SLC34A1: variants seen among roughly 807,000 people sequenced by gnomAD.
SLC34A1 encodes solute carrier family 34 member 1.
In SLC34A1, 57 loss-of-function variants were observed where a neutral mutation model predicts 51.4. That is an observed-to-expected ratio of 1.11 (90% CI 0.90 to 1.38). SLC34A1 has a LOEUF of 1.38. Among genes scored for constraint, SLC34A1 ranks in the 40% most tolerant of loss-of-function variants. SLC34A1 has a pLI of 0.00. For missense variants in SLC34A1, 796 were observed against 835.6 expected, an observed-to-expected ratio of 0.95 and a Z score of 0.58; for synonymous variants, 368 against 358.0, an observed-to-expected ratio of 1.03 and a Z score of -0.32.
Position 177,396,354 on chromosome 5 carries a change from CAA to C in SLC34A1, c.1175-377_1175-376del, listed in dbSNP as rs1762952941. On this transcript the variant is annotated intron_variant, in intron 10 of 12. Transcript: ENST00000324417. The surrounding 1 kb of genome is among the most constrained non-coding windows in gnomAD (Gnocchi z 4.0). ...CTGAGAAAGGCCTTCAATCCAGGAG[CAA>C]AGAGGCCAAGTGGAAGCAACTGCAG... Among the ~76,000 whole-genome samples the C allele has an allele frequency of 6.6e-6, 1 of 152,222 alleles. No homozygotes were observed. The highest frequency in any genetic ancestry group is 2.1e-4 in the South Asian group (1 of 4,836).
chr5:177,385,958 T>C, intron 2 of SLC34A1, 29 bp from the exon 3 acceptor site: 1 of 1,610,370 alleles, frequency 6.2e-7, no homozygotes, highest in South Asian at 1.1e-5. Flanking sequence ...TTTGGGGCCC[T>C]GGGGCTCCTG....
In SLC34A1 at chr5:177,386,163, G is replaced by A; in HGVS notation, c.259+27G>A. ...TGGGCCTGGGCTGGGGGTGGCAGAGGCGGCAGCAGTCCCTGCCCTGGCCTC... is the reference window on the plus strand; with the variant it reads ...TGGGCCTGGGCTGGGGGTGGCAGAGACGGCAGCAGTCCCTGCCCTGGCCTC... On this transcript the variant is annotated intron_variant, in intron 3 of 12. Transcript: ENST00000324417. This position sits in a 1 kb window ranked among gnomAD's most constrained non-coding sequence, Gnocchi z 4.8. 6.2e-7 allele frequency: 1 copy of A among 1,613,592 alleles called. No individual in the cohort carries two copies. Among genetic ancestry groups the A allele is most frequent in the East Asian group, 2.2e-5 (1 of 44,866 alleles).
rs745759229 is a variant in SLC34A1 at position 177,388,289 on chromosome 5, G to T, written c.853G>T (p.Val285Leu). Reference protein sequence around the residue: ...TKLIIQLDESVITSIATGDES... With the variant: ...TKLIIQLDESLITSIATGDES... The stretch of plus-strand genomic sequence containing the variant: ...ATCTTGCCCACAGCTGGACGAGTCT[G>T]TGATAACCAGCATTGCCACTGGTGA... Residue 285 changes from valine (V) to leucine (L), a missense_variant, in exon 8 of 13, where the codon GTG becomes TTG. By Grantham distance (32) the Val-to-Leu change is conservative (BLOSUM62 1). Transcript: ENST00000324417. The surrounding 1 kb of genome is among the most constrained non-coding windows in gnomAD (Gnocchi z 4.3). 6.2e-7 allele frequency: 1 copy of T among 1,614,158 alleles called. No individual in the cohort carries two copies. The highest frequency in any genetic ancestry group is 8.5e-7 in the Non-Finnish European group (1 of 1,180,026).
rs958972553 is a variant in SLC34A1, at chr5:177,396,873, G to A, written c.1291+24G>A. The A allele has an allele frequency of 6.2e-7, 1 of 1,614,070 alleles. No individual in the cohort carries two copies. The highest frequency in any genetic ancestry group is 1.3e-5 in the African/African-American group (1 of 74,950). On this transcript the variant is annotated intron_variant, in intron 11 of 12. Coordinates refer to ENST00000324417, the MANE Select transcript of SLC34A1 (RefSeq NM_003052.5). The surrounding 1 kb of genome is among the most constrained non-coding windows in gnomAD (Gnocchi z 4.0). ...CGGTGAGTGCCCATGTAGAGGTGGA[G>A]TGGGGTGGGCCAGGGCTGGCAGGGA...
intron 12 of SLC34A1, 112 bp downstream of exon 12, chr5:177,397,186 C>T: frequency 7.3e-7 from 1 of 1,378,690 alleles, no homozygotes; most frequent in Non-Finnish European, 9.9e-7. Context: ...TACTAAGGGC[C>T]ACCTAATATG....
In SLC34A1 at chr5:177,386,153, G is replaced by C; in HGVS notation, c.259+17G>C. The C allele has an allele frequency of 6.2e-7, 1 of 1,613,884 alleles. No homozygotes were observed. Among genetic ancestry groups the C allele is most frequent in the African/African-American group, 1.3e-5 (1 of 75,056 alleles). ...AGAAGCCAGGTGGGCCTGGGCTGGG[G>C]GTGGCAGAGGCGGCAGCAGTCCCTG... On this transcript the variant is annotated intron_variant, in intron 3 of 12. Coordinates refer to ENST00000324417, the MANE Select transcript of SLC34A1 (RefSeq NM_003052.5). The surrounding 1 kb of genome is among the most constrained non-coding windows in gnomAD (Gnocchi z 4.8).
chr5:177,386,380 G>C lies in SLC34A1; in HGVS notation c.388+31G>C, dbSNP rs749001328. The stretch of plus-strand genomic sequence containing the variant: ...GCCCGGGTGGAGGAGACCTGGGAGG[G>C]GTTCCTGAAGGGCCTTGGACAACGC... On this transcript the variant is annotated intron_variant, in intron 4 of 12. Coordinates refer to ENST00000324417, the MANE Select transcript of SLC34A1 (RefSeq NM_003052.5). This position sits in a 1 kb window ranked among gnomAD's most constrained non-coding sequence, Gnocchi z 4.8. 8 of 1,614,110 alleles carry C rather than the reference G, an allele frequency of 5.0e-6. No homozygotes were observed. The East Asian group carries it at 1.8e-4, about 36-fold the overall frequency.
In SLC34A1 at chr5:177,387,801, C is replaced by A; in HGVS notation, c.572C>A (p.Ser191Tyr). The A allele has an allele frequency of 6.2e-7, 1 of 1,614,018 alleles. No individual in the cohort carries two copies. The highest frequency in any genetic ancestry group is 1.1e-5 in the South Asian group (1 of 91,074). The change falls in exon 6 of 13, where the codon TCC (serine) becomes TAC (tyrosine). Residue 191 changes from serine to tyrosine, a missense_variant. Ser to Tyr is a moderately radical substitution (Grantham distance 144). Transcript: ENST00000324417. ...VSSAIPIIMG[S>Y]NIGTSVTNTI... ...TCTGCCATCCCCATCATCATGGGCT[C>A]CAACATCGGCACCTCTGTCACCAAC...
intron 1 of SLC34A1, among the ~76,000 whole-genome samples, chr5:177,385,481 T>C (rs1444108428): frequency 6.6e-6 from 1 of 151,796 alleles, no homozygotes; most frequent in Non-Finnish European, 1.5e-5. Context: ...CATGTGAGTC[T>C]GCATGTGAGT....
rs9686806 is a variant in SLC34A1 at position 177,396,906 on chromosome 5, G to A, written c.1292-44G>A. The A allele has an allele frequency of 2.4e-5, 39 of 1,614,002 alleles. No individual in the cohort carries two copies. The highest frequency in any genetic ancestry group is 1.6e-4 in the Middle Eastern group (1 of 6,080). On this transcript the variant is annotated intron_variant, in intron 11 of 12. Transcript: ENST00000324417. This position sits in a 1 kb window ranked among gnomAD's most constrained non-coding sequence, Gnocchi z 4.0. ...GGCCAGGGCTGGCAGGGAAAGGGCCGAAGGAGACGCTGGGGGTCCCACTTC... is the reference window on the plus strand; with the variant it reads ...GGCCAGGGCTGGCAGGGAAAGGGCCAAAGGAGACGCTGGGGGTCCCACTTC...
At chr5:177,394,672 C>T (rs1316110639) in intron 10 of SLC34A1, among the ~76,000 whole-genome samples, 5 of 144,202 alleles carry the variant, frequency 3.5e-5, no homozygotes, top group African/African-American at 1.3e-4. Context: ...GCTTGGGCAA[C>T]ATAGTGAGAC....
chr5:177,389,509 TAA>T, intron 8 of SLC34A1: 1 of 1,132,026 alleles, frequency 8.8e-7, no homozygotes, highest in Non-Finnish European at 1.2e-6. Context: ...CAGCCTTACA[TAA>T]AAAAAAACCC....
At chr5:177,387,615 C>G (rs1194106818) in intron 5 of SLC34A1, 147 bp from the exon 6 acceptor site, 3 of 731,494 alleles carry the variant, frequency 4.1e-6, no homozygotes, top group Non-Finnish European at 7.4e-6. Context: ...CCCACATGCA[C>G]CTGTGACGCC....
rs1762700481 is a variant in SLC34A1 at position 177,388,900 on chromosome 5, G to A, written c.936+528G>A. Among the ~76,000 whole-genome samples the A allele has an allele frequency of 6.6e-6, 1 of 152,178 alleles. No homozygotes were observed. The highest frequency in any genetic ancestry group is 2.1e-4 in the South Asian group (1 of 4,830). ...GCCTGAGCACCCTAGAGGGGTTAGT[G>A]ACTCAGCTGGGCCATGTTTTGGGAC... On this transcript the variant is annotated intron_variant, in intron 8 of 12. Coordinates refer to ENST00000324417, the MANE Select transcript of SLC34A1 (RefSeq NM_003052.5). This position sits in a 1 kb window ranked among gnomAD's most constrained non-coding sequence, Gnocchi z 4.3.
At position 177,396,793 on chromosome 5, in the gene SLC34A1, T is replaced by C. The variant is rs760853929; in HGVS notation, c.1235T>C (p.Met412Thr). 6.2e-7 allele frequency: 1 copy of C among 1,614,096 alleles called. No homozygotes were observed. The highest frequency in any genetic ancestry group is 8.5e-7 in the Non-Finnish European group (1 of 1,180,044). The change falls in exon 11 of 13, where the codon ATG becomes ACG. Residue 412 changes from methionine (M) to threonine (T), a missense_variant. By Grantham distance (81) the Met-to-Thr change is moderately conservative (BLOSUM62 -1). Coordinates refer to ENST00000324417, the MANE Select transcript of SLC34A1 (RefSeq NM_003052.5). This position sits in a 1 kb window ranked among gnomAD's most constrained non-coding sequence, Gnocchi z 4.0. Reference sequence around the variant, plus strand: ...TTTGCCATGGTGGTGGGCGCCAGCATGACCTTCGTGGTCCAGAGCAGTTCT... The same window carrying C: ...TTTGCCATGGTGGTGGGCGCCAGCACGACCTTCGTGGTCCAGAGCAGTTCT... ...GYFAMVVGAS[M>T]TFVVQSSSVF...
rs1763047938 is a variant in SLC34A1 at position 177,398,599 on chromosome 5, T to C, written c.*313T>C. On this transcript the variant is annotated 3_prime_UTR_variant, in exon 13 of 13. Transcript: ENST00000324417. The surrounding 1 kb of genome is among the most constrained non-coding windows in gnomAD (Gnocchi z 4.7). ...CAGGATATCTGGGTATGATTTCAGG[T>C]CCTCTGCACGTGTACACATGACTAG... The C allele has an allele frequency of 4.0e-6, 2 of 499,056 alleles. No homozygotes were observed. The highest frequency in any genetic ancestry group is 6.5e-5 in the Admixed American group (2 of 30,612). 30.9% of individuals were successfully genotyped at this position (499,056 alleles called of 1,614,324 possible).
intron 8 of SLC34A1, among the ~76,000 whole-genome samples, chr5:177,389,464 G>A (rs754311487): frequency 1.3e-5 from 2 of 151,994 alleles, no homozygotes; most frequent in African/African-American, 2.4e-5. Flanking sequence ...CTTTGCATCT[G>A]AAGTTGCTCC....
intron 12 of SLC34A1, chr5:177,397,322 G>A: frequency 1.9e-6 from 1 of 538,218 alleles, no homozygotes; most frequent in Non-Finnish European, 3.3e-6. Context: ...CCATAAGGAA[G>A]AGGAAGAGGA....
chr5:177,393,960 T>C, intron 9 of SLC34A1, 68 bp from the exon 10 acceptor site: 1 of 1,602,836 alleles, frequency 6.2e-7, no homozygotes, highest in Non-Finnish European at 8.5e-7. Context: ...AGAGCCCAAC[T>C]GGGTGGCAAA....
Sources: gnomAD v4.1 joint callset for allele counts (sites outside exome capture counted in the v4.1 genomes callset) on GRCh38, gnomAD v4.1.1 for gene constraint, Gnocchi (gnomAD v3.1) non-coding constraint, MANE v1.5 for transcripts, NCBI Gene and HGNC (gene_info 2026-07-23, HGNC 2026-07-21) for gene names.